NDOR1: variants seen among roughly 807,000 people sequenced by gnomAD.
The protein encoded by NDOR1 is NADPH dependent diflavin oxidoreductase 1.
In NDOR1, 61 loss-of-function variants were observed where a neutral mutation model predicts 67.2. That is an observed-to-expected ratio of 0.91 (90% CI 0.74 to 1.12). The LOEUF (loss-of-function observed/expected upper bound fraction) is 1.12, where lower values mean the gene tolerates loss of function less well. NDOR1 is among the 50% of genes most tolerant of loss of function. NDOR1 has a pLI of 0.00. For missense variants in NDOR1, 878 were observed against 802.8 expected (o/e 1.09, Z -1.13); for synonymous variants, 378 against 343.7 (o/e 1.10, Z -1.10).
intron 2 of NDOR1, among the ~76,000 whole-genome samples, chr9:137,210,378 A>T (rs1243377847): frequency 2.0e-5 from 3 of 149,752 alleles, no homozygotes; most frequent in Non-Finnish European, 3.0e-5. Flanking sequence ...GCGCACCACC[A>T]CATGCAACTA....
In NDOR1 at chr9:137,213,968, C is replaced by T. The variant is rs1835390409; in HGVS notation, c.412C>T (p.Pro138Ser). The change falls in exon 5 of 14, where the codon CCC (proline) becomes TCC (serine). Residue 138 changes from proline (P) to serine (S), a missense_variant and splice_region_variant. Pro to Ser is a moderately conservative substitution (Grantham distance 74, BLOSUM62 -1). Coordinates refer to ENST00000684003, the MANE Select transcript of NDOR1 (RefSeq NM_014434.4). The part of the protein sequence containing the change: ...CLGDDQHELG[P>S]DAAVDPWLRD... Reference sequence around the variant, plus strand: ...GCCAGCGCACGTGCTCCCTCCCAGGCCCGACGCTGCTGTGGACCCCTGGCT... The same window carrying T: ...GCCAGCGCACGTGCTCCCTCCCAGGTCCGACGCTGCTGTGGACCCCTGGCT... 2.6e-6 allele frequency: 4 copies of T among 1,561,512 alleles called. No homozygotes were observed. Among genetic ancestry groups the T allele is most frequent in the South Asian group, 1.2e-5 (1 of 85,404 alleles).
Position 137,212,422 on chromosome 9 carries a change from C to G in NDOR1, c.214-80C>G. ...CCATCCTACCCACCTGCCTGTTCCC[C>G]TGAGACCCTCCCCTCACCCCCTGCT... On this transcript the variant is annotated intron_variant, in intron 2 of 13. Transcript: ENST00000684003. The surrounding 1 kb of genome is among the most constrained non-coding windows in gnomAD (Gnocchi z 4.3). The G allele has an allele frequency of 1.5e-6, 2 of 1,308,528 alleles. No individual in the cohort carries two copies. The highest frequency in any genetic ancestry group is 2.2e-6 in the Non-Finnish European group (2 of 905,204). The allele number at this position is 1,308,528 out of a possible 1,614,324, so 81.1% of individuals were successfully genotyped here.
chr9:137,208,749 G>A (rs1436616250), intron 2 of NDOR1, among the ~76,000 whole-genome samples: 8 of 151,622 alleles, frequency 5.3e-5, no homozygotes, highest in Non-Finnish European at 1.0e-4. Flanking sequence ...TCTTGAACTT[G>A]GGAGGTTAAA....
chr9:137,214,511 CG>C, intron 6 of NDOR1, 58 bp from the exon 7 acceptor site: 2 of 1,608,900 alleles, frequency 1.2e-6, no homozygotes, highest in Non-Finnish European at 8.5e-7. Flanking sequence ...GACTTCTATC[CG>C]GGGCCCCGAC....
In NDOR1 at chr9:137,215,931, G is replaced by A. The variant is rs372068009; in HGVS notation, c.1468G>A (p.Asp490Asn). ...CTTGTTTTTTGGCTGCCGCTGGCGG[G>A]ACCAAGACTTCTACTGGGAGGCTGA... ...NFLFFGCRWR[D>N]QDFYWEAEWQ... The change falls in exon 12 of 14, where the codon GAC (aspartate) becomes AAC (asparagine). Residue 490 changes from aspartate (D) to asparagine (N), a missense_variant. By Grantham distance (23) the Asp-to-Asn change is conservative. Coordinates refer to ENST00000684003, the MANE Select transcript of NDOR1 (RefSeq NM_014434.4). 1 of 1,613,714 alleles carries A rather than the reference G, an allele frequency of 6.2e-7. No individual in the cohort carries two copies. The highest frequency in any genetic ancestry group is 8.5e-7 in the Non-Finnish European group (1 of 1,180,006).
intron 2 of NDOR1, among the ~76,000 whole-genome samples, chr9:137,206,959 T>G (rs1168940705): frequency 6.6e-6 from 1 of 151,888 alleles, no homozygotes; most frequent in Non-Finnish European, 1.5e-5. Context: ...AAAGATGATT[T>G]GGTTTGTGTG....
chr9:137,212,678 C>G lies in NDOR1; in HGVS notation c.311+79C>G. 1.5e-6 allele frequency: 2 copies of G among 1,364,114 alleles called. No homozygotes were observed. Among genetic ancestry groups the G allele is most frequent in the South Asian group, 2.3e-5 (2 of 85,880 alleles). The allele number at this position is 1,364,114 out of a possible 1,614,324, so 84.5% of individuals were successfully genotyped here. A position where few individuals can be genotyped will look rare whatever the true frequency, so the allele number is the denominator to read the frequency against. On this transcript the variant is annotated intron_variant, in intron 3 of 13. Transcript: ENST00000684003. This position sits in a 1 kb window ranked among gnomAD's most constrained non-coding sequence, Gnocchi z 4.3. ...CAGGTGTGCTGGCAGAGGACCGAGA[C>G]CAGCTTCCAGGGTCGGCCCCTGCGC...
intron 2 of NDOR1, among the ~76,000 whole-genome samples, chr9:137,210,622 C>A (rs978982087): frequency 1.3e-5 from 2 of 152,178 alleles, no homozygotes; most frequent in Non-Finnish European, 2.9e-5. Context: ...GTGGGAGGAT[C>A]GCTTGAGCCC....
At position 137,216,645 on chromosome 9, in the gene NDOR1, T is replaced by A; in HGVS notation, c.*229T>A. 1.7e-6 allele frequency: 1 copy of A among 588,840 alleles called. No individual in the cohort carries two copies. Among genetic ancestry groups the A allele is most frequent in the African/African-American group, 1.9e-5 (1 of 53,636 alleles). The allele number at this position is 588,840 out of a possible 1,614,324, so 36.5% of individuals were successfully genotyped here. On this transcript the variant is annotated 3_prime_UTR_variant, in exon 14 of 14. Coordinates refer to ENST00000684003, the MANE Select transcript of NDOR1 (RefSeq NM_014434.4). ...CAGCCAGCCCTGCGCTCCCCCACCC[T>A]GACAGTGAGCTGTGTCCTCGTCCCC...
intron 2 of NDOR1, among the ~76,000 whole-genome samples, chr9:137,210,898 T>C (rs1564394785): frequency 6.6e-6 from 1 of 152,136 alleles, no homozygotes; most frequent in Non-Finnish European, 1.5e-5. Context: ...ACCAACACTT[T>C]GGGAGGCCGA....
chr9:137,214,613 G>A lies in NDOR1; in HGVS notation c.766G>A (p.Ala256Thr), dbSNP rs1388456889. 3 of 1,610,498 alleles carry A rather than the reference G, an allele frequency of 1.9e-6. No homozygotes were observed. The South Asian group carries it at 3.3e-5, about 18-fold the overall frequency. Residue 256 changes from alanine (A) to threonine (T), a missense_variant, in exon 7 of 14, where the codon GCT becomes ACT. By Grantham distance (58) the Ala-to-Thr change is moderately conservative (BLOSUM62 0). Transcript: ENST00000684003. Reference sequence around the variant, plus strand: ...GGTGCTGATTCAGCCCTCCAACTCGGCTGCCCATGTCCAGCGGTTCTGCCA... The same window carrying A: ...GGTGCTGATTCAGCCCTCCAACTCGACTGCCCATGTCCAGCGGTTCTGCCA... Reference protein sequence around the residue: ...DVVLIQPSNSAAHVQRFCQVL... With the variant: ...DVVLIQPSNSTAHVQRFCQVL...
Position 137,215,819 on chromosome 9 carries a change from GTCTCCGGGCAGGGTTGTTGCCAGGGC to G in NDOR1, c.1435+17_1435+42del, listed in dbSNP as rs1202544030. 1 of 1,601,778 alleles carries G rather than the reference GTCTCCGGGCAGGGTTGTTGCCAGGGC, an allele frequency of 6.2e-7. No homozygotes were observed. Among genetic ancestry groups the G allele is most frequent in the Non-Finnish European group, 8.5e-7 (1 of 1,173,548 alleles). Reference sequence around the variant, plus strand: ...AGGGCCAGACTGGTGAGCACCCAGGGTCTCCGGGCAGGGTTGTTGCCAGGGCTCCCCAGCTGAACCTCAAGGACCTG... The same window carrying G: ...AGGGCCAGACTGGTGAGCACCCAGGGTCCCCAGCTGAACCTCAAGGACCTG... On this transcript the variant is annotated intron_variant, in intron 11 of 13. Transcript: ENST00000684003.
chr9:137,205,975 G>A lies in NDOR1; in HGVS notation c.135+63G>A, dbSNP rs1053303459. On this transcript the variant is annotated intron_variant, in intron 1 of 13. Coordinates refer to ENST00000684003, the MANE Select transcript of NDOR1 (RefSeq NM_014434.4). ...AGGCCTGGCGTGCCCGCCTCGCGGGGTCATCGACCCAAAAGGCGTCGCATT... is the reference window on the plus strand; with the variant it reads ...AGGCCTGGCGTGCCCGCCTCGCGGGATCATCGACCCAAAAGGCGTCGCATT... 8.6e-6 allele frequency: 13 copies of A among 1,504,382 alleles called. No individual in the cohort carries two copies. The Admixed American group carries it at 2.3e-4, about 26-fold the overall frequency. The allele number at this position is 1,504,382 out of a possible 1,614,324, so 93.2% of individuals were successfully genotyped here.
rs761059811 is a variant in NDOR1 at position 137,205,824 on chromosome 9, C to G, written c.47C>G (p.Thr16Arg). 3.1e-6 allele frequency: 5 copies of G among 1,605,596 alleles called. No individual in the cohort carries two copies. Among genetic ancestry groups the G allele is most frequent in the South Asian group, 2.2e-5 (2 of 91,070 alleles). Residue 16 changes from threonine (T) to arginine (R), a missense_variant, in exon 1 of 14, where the codon ACG becomes AGG. Coordinates refer to ENST00000684003, the MANE Select transcript of NDOR1 (RefSeq NM_014434.4). ...GTGCTCTTCGGCAGCCAGACAGGCA[C>G]GGCTCAGGATGTGTCGGAGAGACTG... ...LLVLFGSQTGTAQDVSERLGR... is the reference protein window; with the variant it reads ...LLVLFGSQTGRAQDVSERLGR...
intron 2 of NDOR1, among the ~76,000 whole-genome samples, chr9:137,210,834 G>GAGACC (rs1233174193): frequency 6.6e-6 from 1 of 152,118 alleles, no homozygotes; most frequent in Non-Finnish European, 1.5e-5. Flanking sequence ...ATGACAGAAT[G>GAGACC]AGACCCTGTC....
chr9:137,214,770 C>T lies in NDOR1; in HGVS notation c.845-28C>T, dbSNP rs761529837. 22 of 1,597,140 alleles carry T rather than the reference C, an allele frequency of 1.4e-5. No homozygotes were observed. In the Admixed American group the frequency reaches 3.0e-4, roughly 22 times the overall value. On this transcript the variant is annotated intron_variant, in intron 7 of 13. Coordinates refer to ENST00000684003, the MANE Select transcript of NDOR1 (RefSeq NM_014434.4). Reference sequence around the variant, plus strand: ...CCCACCCCAAGGGCTCCGCCGCAGCCCACGGAGGCCTCCCACTCACCCTGC... The same window carrying T: ...CCCACCCCAAGGGCTCCGCCGCAGCTCACGGAGGCCTCCCACTCACCCTGC...
chr9:137,216,527 G>C lies in NDOR1; in HGVS notation c.*111G>C. 4.3e-6 allele frequency: 6 copies of C among 1,393,522 alleles called. No individual in the cohort carries two copies. Among genetic ancestry groups the C allele is most frequent in the Non-Finnish European group, 5.7e-6 (6 of 1,047,084 alleles). The allele number at this position is 1,393,522 out of a possible 1,614,324, so 86.3% of individuals were successfully genotyped here. On this transcript the variant is annotated 3_prime_UTR_variant, in exon 14 of 14. Coordinates refer to ENST00000684003, the MANE Select transcript of NDOR1 (RefSeq NM_014434.4). ...CGTCATCCTCTCGGACCAGCCAGCT[G>C]GTCCTCTGGGAACAGCCAGCTCCCG...
chr9:137,208,732 G>A (rs1054574406), intron 2 of NDOR1, among the ~76,000 whole-genome samples: 2 of 151,720 alleles, frequency 1.3e-5, no homozygotes, highest in African/African-American at 4.8e-5. Context: ...GCTGAGGCGG[G>A]AGGAGCTCTT....
At chr9:137,211,210 C>A (rs544745862) in intron 2 of NDOR1, among the ~76,000 whole-genome samples, 1 of 152,270 alleles carries the variant, frequency 6.6e-6, no homozygotes, top group Non-Finnish European at 1.5e-5. Context: ...GAAGCAGATA[C>A]CAAAATTCGA....
Sources: allele counts gnomAD v4.1 joint callset (sites outside exome capture counted in the v4.1 genomes callset), GRCh38; gene constraint gnomAD v4.1.1; non-coding constraint Gnocchi (gnomAD v3.1); transcripts MANE v1.5; gene names NCBI Gene and HGNC (gene_info 2026-07-23, HGNC 2026-07-21).